SUPT3H: variants seen among roughly 807,000 people sequenced by gnomAD.
The protein encoded by SUPT3H is SPT3 homolog, SAGA and STAGA complex component.
A neutral mutation model predicts 44.3 loss-of-function variants in SUPT3H; 44 were observed. The ratio of observed to expected loss-of-function variants is 0.99; its 90% CI spans 0.78 to 1.28. The LOEUF (loss-of-function observed/expected upper bound fraction) is 1.28, where lower values mean the gene tolerates loss of function less well. Ranked by LOEUF, SUPT3H falls within the 50% of genes most tolerant of loss-of-function variation. SUPT3H has a pLI of 0.00. For missense variants in SUPT3H, 380 were observed against 387.1 expected (o/e 0.98, Z 0.15); for synonymous variants, 124 against 125.6 (o/e 0.99, Z 0.09).
intron 2 of SUPT3H, among the ~76,000 whole-genome samples, chr6:45,156,181 A>G (rs1391609754): frequency 6.6e-6 from 1 of 152,196 alleles, no homozygotes; most frequent in East Asian, 1.9e-4. Context: ...AAGCATGAGC[A>G]TAAGCTCATT....
chr6:45,015,299 G>A (rs900190746), intron 4 of SUPT3H, among the ~76,000 whole-genome samples: 8 of 152,050 alleles, frequency 5.3e-5, no homozygotes, highest in African/African-American at 1.9e-4. Flanking sequence ...GTATGCAAGG[G>A]TAAGAAAATG....
chr6:45,334,964 A>T (rs1468541194), intron 2 of SUPT3H, among the ~76,000 whole-genome samples: 2 of 151,314 alleles, frequency 1.3e-5, no homozygotes, highest in Non-Finnish European at 3.0e-5. Flanking sequence ...AAGTAACAAT[A>T]ATTAAAAACT....
intron 9 of SUPT3H, among the ~76,000 whole-genome samples, chr6:44,941,874 T>C (rs904794472): frequency 2.0e-5 from 3 of 152,126 alleles, no homozygotes; most frequent in East Asian, 3.9e-4. Context: ...ACTCAAAATA[T>C]AGCAAAAGTC....
intron 2 of SUPT3H, among the ~76,000 whole-genome samples, chr6:45,222,295 G>T (rs1233315089): frequency 4.6e-5 from 7 of 152,034 alleles, no homozygotes; most frequent in African/African-American, 2.4e-5. Context: ...CTGTTAAGAG[G>T]ATGAACAGAT....
At chr6:45,071,707 C>G (rs1158523829) in intron 3 of SUPT3H, among the ~76,000 whole-genome samples, 1 of 152,132 alleles carries the variant, frequency 6.6e-6, no homozygotes. Flanking sequence ...TGAGCCCTGA[C>G]AAGCCATCTT....
chr6:44,928,882 C>CAAAATAAATAAAAA (rs1491206167), intron 10 of SUPT3H, among the ~76,000 whole-genome samples: 2 of 20,646 alleles, frequency 9.7e-5, no homozygotes, highest in African/African-American at 6.3e-4. Flanking sequence ...GACTCCGTCT[C>CAAAATAAATAAAAA]AAAAAAAAAA....
At chr6:45,216,958 G>C (rs1423549350) in intron 2 of SUPT3H, among the ~76,000 whole-genome samples, 2 of 152,032 alleles carry the variant, frequency 1.3e-5, no homozygotes, top group African/African-American at 4.8e-5. Flanking sequence ...CAGAAGTAGG[G>C]CATAGAATAG....
intron 6 of SUPT3H, among the ~76,000 whole-genome samples, chr6:44,992,291 T>C (rs1780711150): frequency 6.6e-6 from 1 of 152,116 alleles, no homozygotes; most frequent in African/African-American, 2.4e-5. Context: ...AAAAACTTAA[T>C]TGAACAGTAT....
chr6:45,116,808 T>A (rs1207278373), intron 2 of SUPT3H, among the ~76,000 whole-genome samples: 1 of 152,138 alleles, frequency 6.6e-6, no homozygotes, highest in East Asian at 1.9e-4. Context: ...GGTTTTACCA[T>A]CATCACCACA....
chr6:45,240,013 T>C (rs969124818), intron 2 of SUPT3H, among the ~76,000 whole-genome samples: 1 of 152,186 alleles, frequency 6.6e-6, no homozygotes, highest in Non-Finnish European at 1.5e-5. Context: ...GCAGAACAAC[T>C]GGTTTGGTGG....
intron 2 of SUPT3H, among the ~76,000 whole-genome samples, chr6:45,295,575 C>A (rs865970772): frequency 7.3e-6 from 1 of 136,350 alleles, no homozygotes; most frequent in Non-Finnish European, 1.6e-5. Context: ...AACAGACAAC[C>A]TACAAAGTGA....
chr6:45,312,511 T>A (rs1286987792), intron 2 of SUPT3H, among the ~76,000 whole-genome samples: 8 of 106,110 alleles, frequency 7.5e-5, no homozygotes, highest in African/African-American at 2.7e-4. Context: ...TGAGACTCCA[T>A]CTCAAAAAAA....
At chr6:45,262,031 G>A (rs1774447128) in intron 2 of SUPT3H, among the ~76,000 whole-genome samples, 1 of 152,058 alleles carries the variant, frequency 6.6e-6, no homozygotes, top group African/African-American at 2.4e-5. Flanking sequence ...GGAGGTAAAA[G>A]ATCTCTACAA....
At chr6:45,033,398 T>C (rs1257846693) in intron 3 of SUPT3H, among the ~76,000 whole-genome samples, 2 of 152,082 alleles carry the variant, frequency 1.3e-5, no homozygotes, top group Admixed American at 6.6e-5. Flanking sequence ...GCACCTAGTA[T>C]AGGCCAGTCA....
intron 10 of SUPT3H, among the ~76,000 whole-genome samples, chr6:44,924,075 T>C (rs1769148659): frequency 6.6e-6 from 1 of 152,116 alleles, no homozygotes; most frequent in South Asian, 2.1e-4. Flanking sequence ...TTTAAAAATA[T>C]TTTCCAGAAA....
chr6:44,853,967 T>C (rs1345341547), intron 10 of SUPT3H, among the ~76,000 whole-genome samples: 3 of 151,588 alleles, frequency 2.0e-5, no homozygotes, highest in Admixed American at 6.6e-5. Context: ...TGGTTCTCAA[T>C]TGCCTTTAGC....
At chr6:45,294,385 G>C (rs1233343382) in intron 2 of SUPT3H, among the ~76,000 whole-genome samples, 1 of 152,040 alleles carries the variant, frequency 6.6e-6, no homozygotes, top group Non-Finnish European at 1.5e-5. Flanking sequence ...ACTGAATGGG[G>C]AAAAGTTGAA....
chr6:45,308,749 AT>A (rs1364026876), intron 2 of SUPT3H, among the ~76,000 whole-genome samples: 7 of 37,676 alleles, frequency 1.9e-4, no homozygotes, highest in East Asian at 1.6e-3. Context: ...AACAAAAAAA[AT>A]AAATTTAAAA....
chr6:44,936,962 T>A (rs1771542837), intron 9 of SUPT3H, among the ~76,000 whole-genome samples: 1 of 152,046 alleles, frequency 6.6e-6, no homozygotes, highest in African/African-American at 2.4e-5. Flanking sequence ...CCACTGCACC[T>A]GACCCATTCT....
Sources: allele counts gnomAD v4.1 joint callset (sites outside exome capture counted in the v4.1 genomes callset), GRCh38; gene constraint gnomAD v4.1.1; transcripts MANE v1.5; gene names NCBI Gene and HGNC (gene_info 2026-07-23, HGNC 2026-07-21).